Variants in WDR72 observed in about 807,000 individuals in gnomAD.
The protein encoded by WDR72 is WD repeat domain 72.
A neutral mutation model predicts 124.2 loss-of-function variants in WDR72; 120 were observed. The observed-to-expected ratio is 0.97, with a 90% CI of 0.83 to 1.12. WDR72 has a LOEUF of 1.12. Among genes scored for constraint, WDR72 ranks in the 50% most tolerant of loss-of-function variants. The pLI is 0.00. For missense variants in WDR72, 1,387 were observed against 1,278.8 expected (o/e 1.08, Z -1.29); for synonymous variants, 452 against 441.7 (o/e 1.02, Z -0.29).
chr15:53,755,182 A>C (rs1315287091), intron 1 of WDR72, among the ~76,000 whole-genome samples: 1 of 152,188 alleles, frequency 6.6e-6, no homozygotes, highest in Non-Finnish European at 1.5e-5. Context: ...CTGTGATCTC[A>C]CTGGAAAAAA....
At chr15:53,593,619 A>G (rs1180432183) in intron 18 of WDR72, among the ~76,000 whole-genome samples, 1 of 151,902 alleles carries the variant, frequency 6.6e-6, no homozygotes, top group Admixed American at 6.6e-5. Flanking sequence ...AAAATTAGCC[A>G]GGTGTGGTGG....
At chr15:53,706,839 T>C in intron 9 of WDR72, among the ~76,000 whole-genome samples, 1 of 152,138 alleles carries the variant, frequency 6.6e-6, no homozygotes, top group African/African-American at 2.4e-5. Flanking sequence ...TTATACATTA[T>C]ATAAATTATG....
At chr15:53,547,085 A>G (rs776210476) in intron 18 of WDR72, among the ~76,000 whole-genome samples, 1 of 152,248 alleles carries the variant, frequency 6.6e-6, no homozygotes, top group Non-Finnish European at 1.5e-5. Context: ...AAAGCCAACA[A>G]CCTACTTAAT....
At chr15:53,634,448 C>T (rs568128148) in intron 14 of WDR72, among the ~76,000 whole-genome samples, 1 of 152,254 alleles carries the variant, frequency 6.6e-6, no homozygotes, top group Admixed American at 6.5e-5. Flanking sequence ...AAATAATTGT[C>T]TTGGGCCACA....
intron 14 of WDR72, among the ~76,000 whole-genome samples, chr15:53,648,209 C>T (rs533539028): frequency 3.9e-5 from 6 of 152,066 alleles, no homozygotes; most frequent in African/African-American, 7.2e-5. Context: ...CCAAATTTTA[C>T]GTAGCAGGAA....
chr15:53,638,386 A>C (rs16966345), intron 14 of WDR72, among the ~76,000 whole-genome samples: 10,379 of 152,198 alleles, frequency 0.068, 1,158 homozygotes, highest in African/African-American at 0.24. Flanking sequence ...CATAAAACAG[A>C]GGGCTACCCT....
At chr15:53,719,175 G>A (rs1055613685) in intron 3 of WDR72, among the ~76,000 whole-genome samples, 26 of 152,082 alleles carry the variant, frequency 1.7e-4, no homozygotes, top group African/African-American at 6.3e-4. Flanking sequence ...GTGTCTGGAA[G>A]GAGAGGAGAT....
chr15:53,548,895 T>G (rs879753840), intron 18 of WDR72, among the ~76,000 whole-genome samples: 1 of 152,130 alleles, frequency 6.6e-6, no homozygotes, highest in Non-Finnish European at 1.5e-5. Flanking sequence ...CATTTTTTTG[T>G]TCATCTTCTT....
chr15:53,536,031 G>A (rs1892742795), intron 18 of WDR72, among the ~76,000 whole-genome samples: 1 of 152,156 alleles, frequency 6.6e-6, no homozygotes, highest in African/African-American at 2.4e-5. Flanking sequence ...TCTGAGTCCA[G>A]AAAACAGTTC....
rs141607021 is a variant in WDR72 at position 53,580,764 on chromosome 15, T to C, written c.3148+16315A>G. ...TGGCCATGGAAAAAAAAGACTGAGG[T>C]AATTATGGCAAGTATTTATTCCAAA... On this transcript the variant is annotated intron_variant, in intron 18 of 19. Coordinates refer to ENST00000360509, the MANE Select transcript of WDR72 (RefSeq NM_182758.4). 6.0e-3 allele frequency among the ~76,000 whole-genome samples: 905 copies of C among 151,856 alleles called. 6 individuals carry two copies. The highest frequency in any genetic ancestry group is 0.02 in the African/African-American group (829 of 41,438).
intron 18 of WDR72, among the ~76,000 whole-genome samples, chr15:53,567,095 A>T (rs1000076261): frequency 3.9e-5 from 6 of 151,994 alleles, no homozygotes; most frequent in Admixed American, 3.3e-4. Context: ...AGCTGCACTC[A>T]ATGGCAGGGA....
intron 11 of WDR72, among the ~76,000 whole-genome samples, chr15:53,704,560 C>A (rs1180070887): frequency 6.6e-6 from 1 of 151,048 alleles, no homozygotes; most frequent in Non-Finnish European, 1.5e-5. Flanking sequence ...GGAGTCTTGC[C>A]CTGTTGCCCA....
In WDR72 at chr15:53,615,695, A is replaced by G. The variant is rs776242458; in HGVS notation, c.2511T>C (p.Asp837=). 1.9e-6 allele frequency: 3 copies of G among 1,612,278 alleles called. No individual in the cohort carries two copies. In the South Asian group the frequency reaches 3.3e-5, roughly 18 times the overall value. The change falls in exon 15 of 20, where the codon GAT becomes GAC. Residue 837 remains aspartate, a synonymous_variant. Coordinates refer to ENST00000360509, the MANE Select transcript of WDR72 (RefSeq NM_182758.4). ...PISLGISLNE[D]NFSLMLPGWD... ...AACCTGGCAACATCAGTGAGAAATTATCTTCATTCAAAGAAATTCCCAAAG... is the reference window on the plus strand; with the variant it reads ...AACCTGGCAACATCAGTGAGAAATTGTCTTCATTCAAAGAAATTCCCAAAG...
intron 14 of WDR72, among the ~76,000 whole-genome samples, chr15:53,655,495 T>G (rs2015390107): frequency 6.6e-6 from 1 of 152,128 alleles, no homozygotes; most frequent in Non-Finnish European, 1.5e-5. Flanking sequence ...ACCCATACTA[T>G]TCTTTCCATA....
intron 14 of WDR72, among the ~76,000 whole-genome samples, chr15:53,646,763 T>C (rs1328212486): frequency 6.6e-6 from 1 of 151,814 alleles, no homozygotes; most frequent in East Asian, 1.9e-4. Flanking sequence ...GGAACTGAAA[T>C]ACTGAAATGA....
intron 14 of WDR72, among the ~76,000 whole-genome samples, chr15:53,627,635 CTTGA>C (rs1003026709): frequency 7.9e-5 from 12 of 152,088 alleles, no homozygotes; most frequent in African/African-American, 2.7e-4. Flanking sequence ...CTGTGGAAAG[CTTGA>C]TTATCTTTCA....
At chr15:53,628,274 T>C (rs1475796484) in intron 14 of WDR72, among the ~76,000 whole-genome samples, 1 of 152,130 alleles carries the variant, frequency 6.6e-6, no homozygotes, top group African/African-American at 2.4e-5. Context: ...GCTGAAGCAT[T>C]AGAAGTGTAG....
chr15:53,622,684 T>C (rs1271251613), intron 14 of WDR72, among the ~76,000 whole-genome samples: 1 of 151,976 alleles, frequency 6.6e-6, no homozygotes, highest in East Asian at 1.9e-4. Flanking sequence ...CTGGCCTTAA[T>C]ACCTAGGTGA....
chr15:53,702,440 A>G (rs1047477776), intron 11 of WDR72, 86 bp from the exon 12 acceptor site: 3 of 1,123,442 alleles, frequency 2.7e-6, no homozygotes, highest in South Asian at 1.3e-5. Flanking sequence ...AAATTTTAAC[A>G]TAAGGAAATT....
Sources: allele counts gnomAD v4.1 joint callset (sites outside exome capture counted in the v4.1 genomes callset), GRCh38; gene constraint gnomAD v4.1.1; transcripts MANE v1.5; gene names NCBI Gene and HGNC (gene_info 2026-07-23, HGNC 2026-07-21).